The following VPS54 variants were observed in gnomAD, a reference collection of about 807,000 sequenced individuals.
VPS54 encodes VPS54 subunit of GARP complex, also known as vacuolar protein sorting-associated protein 54.
VPS54 carries 45 observed loss-of-function variants against 121.5 expected under a neutral mutation model. That is an observed-to-expected ratio of 0.37 (90% CI 0.29 to 0.47). VPS54 has a LOEUF of 0.47. VPS54 is among the 20% of genes least tolerant of loss of function. VPS54 has a pLI of 0.99. For synonymous variants in VPS54, 371 were observed against 385.8 expected, an observed-to-expected ratio of 0.96 and a Z score of 0.45; for missense variants, 1,090 against 1,131.4, an observed-to-expected ratio of 0.96 and a Z score of 0.52.
At chr2:63,915,544 G>A (rs1453750148) in intron 16 of VPS54, among the ~76,000 whole-genome samples, 1 of 152,100 alleles carries the variant, frequency 6.6e-6, no homozygotes, top group Non-Finnish European at 1.5e-5. Flanking sequence ...CTTTAGCCAG[G>A]GAATTTAGTT....
intron 10 of VPS54, among the ~76,000 whole-genome samples, chr2:63,942,923 A>T (rs1287362708): frequency 2.6e-5 from 4 of 152,200 alleles, no homozygotes; most frequent in African/African-American, 4.8e-5. Context: ...AAAATACCAT[A>T]TGAGAAGTAA....
intron 12 of VPS54, among the ~76,000 whole-genome samples, chr2:63,927,723 G>C (rs1673975749): frequency 6.6e-6 from 1 of 152,168 alleles, no homozygotes; most frequent in Non-Finnish European, 1.5e-5. Flanking sequence ...CTGAGCTAAA[G>C]GAGCATGTTC....
intron 1 of VPS54, among the ~76,000 whole-genome samples, chr2:63,994,231 T>C (rs1677471413): frequency 6.6e-6 from 1 of 152,186 alleles, no homozygotes; most frequent in Non-Finnish European, 1.5e-5. Flanking sequence ...ACCATTTATA[T>C]TAGCCTGAAA....
intron 20 of VPS54, among the ~76,000 whole-genome samples, chr2:63,901,898 CT>C (rs1285438495): frequency 6.6e-6 from 1 of 152,130 alleles, no homozygotes; most frequent in Non-Finnish European, 1.5e-5. Context: ...GCCTGTAATC[CT>C]AGCTACTTGG....
At chr2:64,016,596 C>T (rs1461289690) in intron 1 of VPS54, among the ~76,000 whole-genome samples, 1 of 140,426 alleles carries the variant, frequency 7.1e-6, no homozygotes, top group African/African-American at 2.7e-5. Flanking sequence ...AATCTAAAAA[C>T]CACTGAATTG....
At chr2:64,015,104 G>A (rs114014758) in intron 1 of VPS54, among the ~76,000 whole-genome samples, 19 of 151,240 alleles carry the variant, frequency 1.3e-4, no homozygotes, top group Non-Finnish European at 2.8e-4. Flanking sequence ...CTCCTTTCTT[G>A]GTAGTTGAAG....
chr2:63,973,852 C>A (rs1676398673), intron 3 of VPS54, among the ~76,000 whole-genome samples: 1 of 152,112 alleles, frequency 6.6e-6, no homozygotes, highest in South Asian at 2.1e-4. Flanking sequence ...GACCACCAAT[C>A]CTGTATCAGA....
chr2:63,916,703 A>G (rs1366360347), intron 16 of VPS54, among the ~76,000 whole-genome samples, 197 bp downstream of exon 16: 1 of 152,154 alleles, frequency 6.6e-6, no homozygotes, highest in East Asian at 1.9e-4. Context: ...GTCCTTAATA[A>G]TGTATGCTAC....
At chr2:63,944,154 A>G (rs995967204) in intron 10 of VPS54, among the ~76,000 whole-genome samples, 1 of 152,148 alleles carries the variant, frequency 6.6e-6, no homozygotes, top group Non-Finnish European at 1.5e-5. Context: ...TACAAATTTA[A>G]ACATAATGCT....
intron 1 of VPS54, among the ~76,000 whole-genome samples, chr2:63,995,698 G>A (rs575654586): frequency 7.9e-5 from 12 of 152,316 alleles, no homozygotes; most frequent in African/African-American, 2.9e-4. Context: ...TTGGAGATCG[G>A]GTAGTGAGTC....
chr2:63,920,129 C>T (rs1236814554), intron 14 of VPS54, 134 bp from the exon 15 acceptor site: 5 of 627,636 alleles, frequency 8.0e-6, no homozygotes, highest in Non-Finnish European at 1.3e-5. Flanking sequence ...ATAAGCAGGA[C>T]CAATACTTAG....
At chr2:63,962,482 C>A in intron 6 of VPS54, 39 bp from the exon 7 acceptor site, 1 of 1,545,356 alleles carries the variant, frequency 6.5e-7, no homozygotes, top group Non-Finnish European at 8.7e-7. Context: ...GTACTATGAG[C>A]ATACCTTCCT....
chr2:63,930,779 C>G (rs1674154953), intron 12 of VPS54, among the ~76,000 whole-genome samples: 1 of 152,170 alleles, frequency 6.6e-6, no homozygotes, highest in Non-Finnish European at 1.5e-5. Flanking sequence ...CATCTCAGCC[C>G]AAAATCTCCT....
chr2:64,008,271 G>A (rs552063914), intron 1 of VPS54, among the ~76,000 whole-genome samples: 14 of 152,112 alleles, frequency 9.2e-5, no homozygotes, highest in South Asian at 6.2e-4. Context: ...AAAATTAGCC[G>A]GGCATGGTGG....
At chr2:63,940,697 TA>T (rs1674682577) in intron 11 of VPS54, among the ~76,000 whole-genome samples, 1 of 152,188 alleles carries the variant, frequency 6.6e-6, no homozygotes, top group African/African-American at 2.4e-5. Flanking sequence ...TTCCAAGACC[TA>T]TCCATAACAT....
intron 12 of VPS54, among the ~76,000 whole-genome samples, chr2:63,923,087 G>A (rs1053900758): frequency 6.6e-6 from 1 of 152,084 alleles, no homozygotes. Context: ...GCCGAGGCGG[G>A]CAGATCATGA....
intron 7 of VPS54, among the ~76,000 whole-genome samples, chr2:63,957,706 G>A (rs1323458909): frequency 6.6e-6 from 1 of 152,142 alleles, no homozygotes; most frequent in Non-Finnish European, 1.5e-5. Context: ...AGGAAGATGT[G>A]TTAGTTGAAA....
chr2:64,018,122 T>C (rs1298229598), intron 1 of VPS54, among the ~76,000 whole-genome samples: 1 of 152,242 alleles, frequency 6.6e-6, no homozygotes, highest in Non-Finnish European at 1.5e-5. Flanking sequence ...TAAAGGCGTT[T>C]AGTATTAAGA....
In VPS54 at chr2:63,997,766, C is replaced by T. The variant is rs116130777; in HGVS notation, c.-20-13747G>A. On this transcript the variant is annotated intron_variant, in intron 1 of 22. Transcript: ENST00000272322. ...TTGTTTGGCTTGCTCTTGCTTTTCC[C>T]TTTCTTTAAAATCCATCATTAGGTT... Among the ~76,000 whole-genome samples, 1,083 of 151,814 alleles carry T rather than the reference C, an allele frequency of 7.1e-3. 6 individuals are homozygous for T. Among genetic ancestry groups the T allele is most frequent in the South Asian group, 0.021 (103 of 4,810 alleles).
Sources: gnomAD v4.1 joint callset for allele counts (sites outside exome capture counted in the v4.1 genomes callset) on GRCh38, gnomAD v4.1.1 for gene constraint, MANE v1.5 for transcripts, NCBI Gene and HGNC (gene_info 2026-07-23, HGNC 2026-07-21) for gene names.